Variants in PSRC1 observed in about 807,000 individuals in gnomAD.
PSRC1 encodes proline and serine rich coiled-coil 1.
PSRC1 carries 30 observed loss-of-function variants against 31.9 expected under a neutral mutation model. That is an observed-to-expected ratio of 0.94 (90% CI 0.70 to 1.28). The LOEUF (loss-of-function observed/expected upper bound fraction) is 1.28. Ranked by LOEUF, PSRC1 falls within the 50% of genes most tolerant of loss-of-function variation. The probability of loss-of-function intolerance (pLI) is 0.00; values close to 1 mark genes in which losing one functional copy is unlikely to be tolerated. For synonymous variants in PSRC1, 191 were observed against 192.1 expected (o/e 0.99, Z 0.05); for missense variants, 481 against 472.8 (o/e 1.02, Z -0.16).
Position 109,282,070 on chromosome 1 carries a change from GA to G in PSRC1, c.78-11del. 6.8e-7 allele frequency: 1 copy of G among 1,479,496 alleles called. No individual in the cohort carries two copies. The highest frequency in any genetic ancestry group is 9.0e-7 in the Non-Finnish European group (1 of 1,113,998). 91.6% of individuals were successfully genotyped at this position (1,479,496 alleles called of 1,614,324 possible). A position where few individuals can be genotyped will look rare whatever the true frequency, so the allele number is the denominator to read the frequency against. On this transcript the variant is annotated splice_polypyrimidine_tract_variant and intron_variant, in intron 3 of 6. Transcript: ENST00000409138. The stretch of plus-strand genomic sequence containing the variant: ...GTCTTCCTCCTCACGGCTGAGACAG[GA>G]AACAAACCAGGCATCATGCCCATGC...
chr1:109,280,106 G>C, exon 7 of PSRC1: 1 of 1,613,896 alleles, frequency 6.2e-7, no homozygotes, highest in Non-Finnish European at 8.5e-7. Flanking sequence ...TCCAGGTACT[G>C]ACTGTAGTGG....
rs150991485 is a variant in PSRC1 at position 109,280,047 on chromosome 1, T to G, written c.*106A>C. On this transcript the variant is annotated 3_prime_UTR_variant, in exon 7 of 7. Transcript: ENST00000409138. ...GCCCTGGTGGCATCTCTTCCTCCTG[T>G]CCCTGGGCCAGAATCTGCTGGAGTC... The G allele has an allele frequency of 1.0e-3, 1,497 of 1,478,616 alleles. 17 individuals carry two copies. In the African/African-American group the frequency reaches 0.019, roughly 18 times the overall value. The allele number at this position is 1,478,616 out of a possible 1,614,324, so 91.6% of individuals were successfully genotyped here.
intron 4 of PSRC1, 173 bp downstream of exon 4, chr1:109,281,446 T>TA: frequency 1.4e-6 from 1 of 737,754 alleles, no homozygotes; most frequent in Non-Finnish European, 2.2e-6. Flanking sequence ...CATAGACATA[T>TA]ACTCAGACAC....
chr1:109,280,278 G>C (rs144714995), intron 6 of PSRC1, 118 bp downstream of exon 7: 6 of 1,414,598 alleles, frequency 4.2e-6, no homozygotes, highest in Non-Finnish European at 6.0e-6. Context: ...CCTGCCCCAG[G>C]CTCCCCTCCT....
intron 1 of PSRC1, 144 bp downstream of exon 1, chr1:109,282,917 CAG>C: frequency 1.6e-6 from 1 of 624,988 alleles, no homozygotes; most frequent in Non-Finnish European, 2.8e-6. Context: ...CCCAACTGCC[CAG>C]ATTGCCCTGG....
exon 5 of PSRC1, chr1:109,281,091 T>G: frequency 6.2e-7 from 1 of 1,613,246 alleles, no homozygotes; most frequent in Non-Finnish European, 8.5e-7. Context: ...TCCCACAAAC[T>G]CCCCACTCCC....
chr1:109,281,543 A>G, intron 4 of PSRC1, 76 bp downstream of exon 4: 1 of 1,278,742 alleles, frequency 7.8e-7, no homozygotes, highest in Non-Finnish European at 1.1e-6. Context: ...CTGTTTTACC[A>G]ATAAGGAAAC....
chr1:109,282,090 C>G (rs1465118437), intron 3 of PSRC1, 30 bp from the exon 4 acceptor site: 1 of 1,458,218 alleles, frequency 6.9e-7, no homozygotes, highest in Non-Finnish European at 9.1e-7. Context: ...AGGCATCATG[C>G]CCATGCAAAA....
At chr1:109,280,836 C>T (rs34863121) in exon 5 of PSRC1, 17,763 of 1,610,544 alleles carry the variant, frequency 0.011, 123 homozygotes, top group Non-Finnish European at 0.013. Flanking sequence ...AAGCCCTTTT[C>T]GAGTTGACAG....
intron 6 of PSRC1, 61 bp from the exon 8 acceptor site, chr1:109,280,217 C>T (rs909871263): frequency 6.9e-6 from 11 of 1,594,696 alleles, no homozygotes; most frequent in African/African-American, 1.3e-5. Context: ...CCATTTGTCA[C>T]CCAGCAGAAT....
chr1:109,280,973 C>A, exon 5 of PSRC1: 6 of 1,609,418 alleles, frequency 3.7e-6, no homozygotes, highest in Non-Finnish European at 5.1e-6. Context: ...CTGCTCCCTG[C>A]GGCCGGGGCA....
At position 109,282,078 on chromosome 1, in the gene PSRC1, C is replaced by T. The variant is rs748838398; in HGVS notation, c.78-18G>A. ...CCTCACGGCTGAGACAGGAAACAAA[C>T]CAGGCATCATGCCCATGCAAAAGGG... On this transcript the variant is annotated intron_variant, in intron 3 of 6. Transcript: ENST00000409138. 1.9e-5 allele frequency: 28 copies of T among 1,472,634 alleles called. 1 individual carries two copies. The Middle Eastern group carries it at 1.3e-3, about 66-fold the overall frequency. 91.2% of individuals were successfully genotyped at this position (1,472,634 alleles called of 1,614,324 possible).
In PSRC1 at chr1:109,281,678, T is replaced by C. The variant is rs746856521; in HGVS notation, c.460A>G (p.Lys154Glu). 4.3e-6 allele frequency: 7 copies of C among 1,613,908 alleles called. No homozygotes were observed. The East Asian group carries it at 1.1e-4, about 26-fold the overall frequency. The change falls in exon 4 of 7, where the codon AAG becomes GAG. Residue 154 changes from lysine (K) to glutamate (E), a missense_variant. Coordinates refer to ENST00000409138, the Ensembl canonical transcript of PSRC1. Reference sequence around the variant, plus strand: ...GCCCGGAGAGCCCTGACTGACCCCTTCCTATCATTACTCCGGAGTCGAGGC... The same window carrying C: ...GCCCGGAGAGCCCTGACTGACCCCTCCCTATCATTACTCCGGAGTCGAGGC...
chr1:109,281,349 T>C (rs1163056210), intron 4 of PSRC1, 98 bp from the exon 5 acceptor site: 8 of 1,100,110 alleles, frequency 7.3e-6, no homozygotes, highest in Non-Finnish European at 1.0e-5. Flanking sequence ...GTTGTCTACA[T>C]CCCAGTAAGG....
intron 1 of PSRC1, chr1:109,282,734 G>A (rs1014891299): frequency 6.5e-7 from 1 of 1,549,754 alleles, no homozygotes; most frequent in Non-Finnish European, 8.7e-7. Context: ...AGTTAGATCT[G>A]AGCTGGAGAG....
In PSRC1 at chr1:109,280,114, T is replaced by C. The variant is rs141005956; in HGVS notation, c.*39A>G. 2.7e-5 allele frequency: 44 copies of C among 1,614,056 alleles called. No homozygotes were observed. The African/African-American group carries it at 4.0e-4, about 15-fold the overall frequency. On this transcript the variant is annotated 3_prime_UTR_variant, in exon 7 of 7. Coordinates refer to ENST00000409138, the Ensembl canonical transcript of PSRC1. Reference sequence around the variant, plus strand: ...AGGCGAGTCCAGGTACTGACTGTAGTGGTTTGCTACTGAAGTCTTGCTTGC... The same window carrying C: ...AGGCGAGTCCAGGTACTGACTGTAGCGGTTTGCTACTGAAGTCTTGCTTGC...
rs747028004 is a variant in PSRC1 at position 109,281,595 on chromosome 1, T to C, written c.519+24A>G. 5.7e-6 allele frequency: 9 copies of C among 1,588,856 alleles called. No homozygotes were observed. In the East Asian group the frequency reaches 1.1e-4, roughly 20 times the overall value. On this transcript the variant is annotated intron_variant, in intron 4 of 6. Coordinates refer to ENST00000409138, the Ensembl canonical transcript of PSRC1. ...GCACACACCATGTCTGGGGCACACCTCCAACTCAACTCTCTCAACTCACCC... is the reference window on the plus strand; with the variant it reads ...GCACACACCATGTCTGGGGCACACCCCCAACTCAACTCTCTCAACTCACCC...
At chr1:109,280,624 G>T in intron 5 of PSRC1, 135 bp from the exon 7 acceptor site, 1 of 953,746 alleles carries the variant, frequency 1.0e-6, no homozygotes, top group Non-Finnish European at 1.6e-6. Context: ...CTAAGACTCA[G>T]ACTCTGTCCA....
chr1:109,282,108 G>C, intron 3 of PSRC1, 48 bp from the exon 4 acceptor site: 1 of 1,427,632 alleles, frequency 7.0e-7, no homozygotes, highest in Non-Finnish European at 9.3e-7. Context: ...AAAGGGAACA[G>C]GAGATTATGC....
Sources: gnomAD v4.1 joint callset for allele counts on GRCh38, gnomAD v4.1.1 for gene constraint, MANE v1.5 for transcripts, NCBI Gene and HGNC (gene_info 2026-07-23, HGNC 2026-07-21) for gene names.